Variants in ROBO1 observed in about 807,000 individuals in gnomAD.
ROBO1 encodes the protein roundabout homolog 1.
ROBO1 carries 149 observed loss-of-function variants against 195.9 expected under a neutral mutation model. That is an observed-to-expected ratio of 0.76 (90% CI 0.67 to 0.87). ROBO1 has a LOEUF of 0.87. Ranked by LOEUF, ROBO1 falls within the 40% of genes least tolerant of loss-of-function variation. ROBO1 has a pLI of 0.00. For missense variants in ROBO1, 1,933 were observed against 2,068.3 expected (o/e 0.93, Z 1.27); for synonymous variants, 816 against 733.2 (o/e 1.11, Z -1.82).
At chr3:79,365,848 G>C (rs1440607137) in intron 2 of ROBO1, among the ~76,000 whole-genome samples, 1 of 147,722 alleles carries the variant, frequency 6.8e-6, no homozygotes, top group East Asian at 2.0e-4. Context: ...AGTGAGCCGA[G>C]ATCGCGCCAC....
rs139881966 is a variant in ROBO1 at position 78,636,238 on chromosome 3, A to G, written c.3038-130T>C. ...GTACAAGTGGGCTTAAATAAGATCAATAAAAACGGCCAAATATCCACATGT... is the reference window on the plus strand; with the variant it reads ...GTACAAGTGGGCTTAAATAAGATCAGTAAAAACGGCCAAATATCCACATGT... On this transcript the variant is annotated intron_variant, in intron 22 of 30. Transcript: ENST00000464233. The G allele has an allele frequency of 1.1e-3, 645 of 594,944 alleles. 8 individuals carry two copies. The highest frequency in any genetic ancestry group is 0.01 in the African/African-American group (562 of 53,824). 36.9% of individuals were successfully genotyped at this position (594,944 alleles called of 1,614,324 possible).
chr3:79,635,900 A>G (rs1170400178), intron 1 of ROBO1, among the ~76,000 whole-genome samples: 1 of 152,208 alleles, frequency 6.6e-6, no homozygotes. Flanking sequence ...TTGAGATACA[A>G]TACATATATC....
At chr3:79,326,293 C>T (rs1156868454) in intron 2 of ROBO1, among the ~76,000 whole-genome samples, 1 of 152,018 alleles carries the variant, frequency 6.6e-6, no homozygotes, top group Admixed American at 6.6e-5. Context: ...TGACCCACAC[C>T]CTGTTCGTAC....
chr3:79,007,214 G>C (rs926754592), intron 3 of ROBO1, among the ~76,000 whole-genome samples: 2 of 152,154 alleles, frequency 1.3e-5, no homozygotes, highest in Non-Finnish European at 2.9e-5. Context: ...AACTAAATTA[G>C]ATTTACCTTG....
intron 1 of ROBO1, among the ~76,000 whole-genome samples, chr3:79,723,384 A>G (rs759903935): frequency 3.3e-5 from 5 of 152,182 alleles, no homozygotes; most frequent in Non-Finnish European, 7.4e-5. Context: ...TTTTAATCAG[A>G]TTCATTTTAA....
chr3:79,124,955 A>G (rs112952620), intron 3 of ROBO1, among the ~76,000 whole-genome samples: 8 of 152,246 alleles, frequency 5.3e-5, no homozygotes, highest in African/African-American at 1.9e-4. Context: ...TTGGTGTATA[A>G]GGTAACAATA....
intron 4 of ROBO1, among the ~76,000 whole-genome samples, chr3:78,907,332 T>C (rs2037985270): frequency 6.6e-6 from 1 of 152,076 alleles, no homozygotes; most frequent in Admixed American, 6.6e-5. Flanking sequence ...GAAAATACTA[T>C]GAATGAATCT....
intron 2 of ROBO1, among the ~76,000 whole-genome samples, chr3:79,500,001 T>A (rs967165269): frequency 3.3e-5 from 5 of 151,388 alleles, no homozygotes; most frequent in Admixed American, 2.0e-4. Flanking sequence ...AGAGATGGGG[T>A]TACACCGTAT....
chr3:79,228,982 G>A (rs748743918), intron 2 of ROBO1, among the ~76,000 whole-genome samples: 9 of 152,098 alleles, frequency 5.9e-5, no homozygotes, highest in Non-Finnish European at 1.3e-4. Context: ...CAACAGTAAA[G>A]ATGGTCTAGT....
chr3:78,993,796 T>C (rs1183875428), intron 3 of ROBO1, among the ~76,000 whole-genome samples: 1 of 152,316 alleles, frequency 6.6e-6, no homozygotes, highest in East Asian at 1.9e-4. Context: ...TCTATTCTAC[T>C]TCTGTAAAAA....
intron 4 of ROBO1, among the ~76,000 whole-genome samples, chr3:78,898,332 TAG>T (rs2037365460): frequency 1.4e-5 from 2 of 147,892 alleles, no homozygotes; most frequent in African/African-American, 2.5e-5. Flanking sequence ...ACTATATATA[TAG>T]AGAGAGAGAC....
At chr3:79,040,867 G>GA (rs202022719) in intron 3 of ROBO1, among the ~76,000 whole-genome samples, 54 of 151,170 alleles carry the variant, frequency 3.6e-4, no homozygotes, top group South Asian at 1.9e-3. Context: ...AACTGCTTAC[G>GA]AAAAAAAAAT....
At chr3:79,606,485 C>T (rs1031003718) in intron 1 of ROBO1, among the ~76,000 whole-genome samples, 3 of 151,812 alleles carry the variant, frequency 2.0e-5, no homozygotes, top group African/African-American at 7.3e-5. Context: ...GCTTCCCTGC[C>T]CAGGCTGGAC....
intron 26 of ROBO1, among the ~76,000 whole-genome samples, chr3:78,626,756 T>C (rs11716241): frequency 4.1e-5 from 6 of 146,546 alleles, no homozygotes; most frequent in East Asian, 4.0e-4. Context: ...AGCACACACA[T>C]ACACACACAC....
chr3:79,748,344 TGA>T (rs1401480567), intron 1 of ROBO1, among the ~76,000 whole-genome samples: 2 of 152,190 alleles, frequency 1.3e-5, no homozygotes, highest in Admixed American at 6.5e-5. Flanking sequence ...TAAATGAATC[TGA>T]ATTATATCGT....
intron 2 of ROBO1, among the ~76,000 whole-genome samples, chr3:79,243,043 C>T: frequency 7.5e-6 from 1 of 133,422 alleles, no homozygotes; most frequent in Non-Finnish European, 1.5e-5. Flanking sequence ...TCCATGTGTT[C>T]TCATTGTTCA....
intron 1 of ROBO1, among the ~76,000 whole-genome samples, chr3:79,760,353 G>C (rs1258655805): frequency 6.8e-6 from 1 of 146,350 alleles, no homozygotes; most frequent in African/African-American, 2.5e-5. Context: ...AAACAAGATG[G>C]AAAAAGGAAA....
chr3:79,422,388 C>T (rs953105332), intron 2 of ROBO1, among the ~76,000 whole-genome samples: 3 of 151,874 alleles, frequency 2.0e-5, no homozygotes, highest in Non-Finnish European at 4.4e-5. Flanking sequence ...GATTTCAGAC[C>T]ATACATCCTG....
chr3:79,330,468 AAAG>A (rs1435120627), intron 2 of ROBO1, among the ~76,000 whole-genome samples: 27 of 151,404 alleles, frequency 1.8e-4, no homozygotes, highest in African/African-American at 6.3e-4. Flanking sequence ...ACAGAAGGCA[AAAG>A]AAGAATACTA....
Sources: allele counts gnomAD v4.1 joint callset (sites outside exome capture counted in the v4.1 genomes callset), GRCh38; gene constraint gnomAD v4.1.1; transcripts MANE v1.5; gene names NCBI Gene and HGNC (gene_info 2026-07-23, HGNC 2026-07-21).